Variants in ECPAS observed in about 807,000 individuals in gnomAD.
ECPAS encodes proteasome adapter and scaffold protein ECM29.
Under a neutral mutation model 255.1 loss-of-function variants are expected in ECPAS, and 70 were observed. That is an observed-to-expected ratio of 0.27 (90% confidence interval 0.23 to 0.33). The LOEUF (loss-of-function observed/expected upper bound fraction) is 0.33. Among genes scored for constraint, ECPAS ranks in the 10% least tolerant of loss-of-function variants. ECPAS has a pLI of 1.00. For missense variants in ECPAS, 1,817 were observed against 2,206.4 expected (o/e 0.82, Z 3.54); for synonymous variants, 784 against 775.0 (o/e 1.01, Z -0.19).
chr9:111,366,285 C>T lies in ECPAS; in HGVS notation c.5262G>A (p.Leu1754=). The change falls in exon 48 of 50, where the codon TTG becomes TTA. Residue 1754 remains leucine, a synonymous_variant. Transcript: ENST00000684092. ...LEEEHADPEA[L]AEILLETCKS... Reference sequence around the variant, plus strand: ...TACAAGTTTCAAGCAGAATTTCAGCCAAAGCCTCAGGATCGGCATGTTCTT... The same window carrying T: ...TACAAGTTTCAAGCAGAATTTCAGCTAAAGCCTCAGGATCGGCATGTTCTT... 1 of 1,579,230 alleles carries T rather than the reference C, an allele frequency of 6.3e-7. No homozygotes were observed. Among genetic ancestry groups the T allele is most frequent in the Non-Finnish European group, 8.6e-7 (1 of 1,161,148 alleles).
At chr9:111,420,263 G>GT in intron 15 of ECPAS, 143 bp from the exon 16 acceptor site, 1 of 591,764 alleles carries the variant, frequency 1.7e-6, no homozygotes, top group Non-Finnish European at 3.0e-6. Context: ...TAATAAACGT[G>GT]TATCTAAATT....
chr9:111,396,209 G>A (rs1270563542), intron 25 of ECPAS, among the ~76,000 whole-genome samples: 1 of 151,796 alleles, frequency 6.6e-6, no homozygotes, highest in Non-Finnish European at 1.5e-5. Context: ...TTTTATTCTA[G>A]CTCAAATACT....
chr9:111,460,740 G>GT, intron 2 of ECPAS, among the ~76,000 whole-genome samples: 1 of 152,306 alleles, frequency 6.6e-6, no homozygotes, highest in East Asian at 1.9e-4. Flanking sequence ...GGAAAAATGT[G>GT]TAAGACCTCT....
chr9:111,397,627 A>C (rs1023896735), intron 24 of ECPAS, among the ~76,000 whole-genome samples: 46 of 152,234 alleles, frequency 3.0e-4, no homozygotes, highest in Admixed American at 2.9e-3. Context: ...GTTAATGTAC[A>C]TAAAACTATT....
At chr9:111,393,603 A>C in intron 27 of ECPAS, 77 bp downstream of exon 27, 1 of 947,874 alleles carries the variant, frequency 1.1e-6, no homozygotes, top group Non-Finnish European at 1.7e-6. Context: ...GTTTTCTTTC[A>C]TGTTCATTAA....
intron 1 of ECPAS, among the ~76,000 whole-genome samples, chr9:111,473,568 A>G (rs577479095): frequency 6.6e-6 from 1 of 152,252 alleles, no homozygotes; most frequent in African/African-American, 2.4e-5. Flanking sequence ...CCATTCCCAC[A>G]GCTCTACCAT....
intron 24 of ECPAS, among the ~76,000 whole-genome samples, chr9:111,397,594 T>C (rs1465116848): frequency 6.6e-6 from 1 of 152,216 alleles, no homozygotes; most frequent in Non-Finnish European, 1.5e-5. Context: ...ATCCACAGCA[T>C]TAGGCTTTAA....
At chr9:111,457,023 G>A (rs1164974760) in intron 2 of ECPAS, among the ~76,000 whole-genome samples, 1 of 152,048 alleles carries the variant, frequency 6.6e-6, no homozygotes. Flanking sequence ...GAAAACGTGG[G>A]GTCAGAATAA....
intron 16 of ECPAS, among the ~76,000 whole-genome samples, chr9:111,418,740 G>C (rs776893905): frequency 1.3e-5 from 2 of 152,198 alleles, no homozygotes; most frequent in African/African-American, 2.4e-5. Context: ...CACTTACAGA[G>C]TAAGATACAG....
At chr9:111,429,223 C>T (rs1288337785) in intron 9 of ECPAS, among the ~76,000 whole-genome samples, 2 of 151,996 alleles carry the variant, frequency 1.3e-5, no homozygotes, top group East Asian at 3.9e-4. Context: ...TTTACTGCTT[C>T]ATCAAGGATG....
chr9:111,478,056 A>C (rs1022498096), intron 1 of ECPAS, among the ~76,000 whole-genome samples: 1 of 151,772 alleles, frequency 6.6e-6, no homozygotes, highest in Non-Finnish European at 1.5e-5. Flanking sequence ...GCATGCCAAC[A>C]CACCCAGCTA....
At chr9:111,436,789 A>G in intron 7 of ECPAS, 151 bp downstream of exon 7, 1 of 642,338 alleles carries the variant, frequency 1.6e-6, no homozygotes, top group Non-Finnish European at 2.5e-6. Context: ...AATAACTAGC[A>G]TGAAAAGAAC....
intron 2 of ECPAS, among the ~76,000 whole-genome samples, chr9:111,457,333 G>A (rs2098268140): frequency 6.6e-6 from 1 of 152,136 alleles, no homozygotes; most frequent in Non-Finnish European, 1.5e-5. Context: ...AGAGCTCTGA[G>A]CACATTTAAA....
intron 35 of ECPAS, among the ~76,000 whole-genome samples, chr9:111,380,098 T>C (rs920155333): frequency 8.5e-5 from 13 of 152,230 alleles, no homozygotes; most frequent in Non-Finnish European, 1.6e-4. Context: ...GGAATCACTA[T>C]CAATGGCAGC....
At chr9:111,447,065 T>G (rs2098254073) in intron 3 of ECPAS, among the ~76,000 whole-genome samples, 1 of 152,096 alleles carries the variant, frequency 6.6e-6, no homozygotes, top group Admixed American at 6.6e-5. Flanking sequence ...AAAATTATTA[T>G]CGATGGAGAC....
At chr9:111,419,325 A>G (rs1240128194) in intron 16 of ECPAS, among the ~76,000 whole-genome samples, 1 of 152,222 alleles carries the variant, frequency 6.6e-6, no homozygotes, top group Non-Finnish European at 1.5e-5. Flanking sequence ...TCTAAACGTT[A>G]AATGTAGTAA....
intron 15 of ECPAS, among the ~76,000 whole-genome samples, 197 bp from the exon 16 acceptor site, chr9:111,420,317 C>T (rs2098211541): frequency 6.6e-6 from 1 of 152,106 alleles, no homozygotes; most frequent in Non-Finnish European, 1.5e-5. Context: ...TTGTTTAAGT[C>T]TTTTGGATGG....
chr9:111,428,417 C>T, intron 9 of ECPAS, among the ~76,000 whole-genome samples: 1 of 152,100 alleles, frequency 6.6e-6, no homozygotes, highest in East Asian at 1.9e-4. Context: ...TCATTATTTT[C>T]AAAACTAACA....
chr9:111,373,367 C>T lies in ECPAS; in HGVS notation c.4217G>A (p.Arg1406Gln), dbSNP rs777465257. The change falls in exon 40 of 50, where the codon CGG (arginine) becomes CAG (glutamine). Residue 1406 changes from arginine to glutamine, a missense_variant. By Grantham distance (43) the Arg-to-Gln change is conservative. Coordinates refer to ENST00000684092, the MANE Select transcript of ECPAS (RefSeq NM_001364929.1). ...MSALLSGLTD[R>Q]NSVIQKSCAF... ...ACAAGATTTCTGAATCACACTGTTC[C>T]GATCTGTCAGGCCACTCAGCAAAGC... 3 of 1,613,674 alleles carry T rather than the reference C, an allele frequency of 1.9e-6. No individual in the cohort carries two copies. The highest frequency in any genetic ancestry group is 1.6e-4 in the Middle Eastern group (1 of 6,082).
Sources: gnomAD v4.1 joint callset for allele counts (sites outside exome capture counted in the v4.1 genomes callset) on GRCh38, gnomAD v4.1.1 for gene constraint, MANE v1.5 for transcripts, NCBI Gene and HGNC (gene_info 2026-07-23, HGNC 2026-07-21) for gene names.